PPP1R13B: variants seen among roughly 807,000 people sequenced by gnomAD.
PPP1R13B encodes protein phosphatase 1 regulatory subunit 13B, also known as apoptosis-stimulating of p53 protein 1.
Under a neutral mutation model 119.8 loss-of-function variants are expected in PPP1R13B, and 44 were observed. The ratio of observed to expected loss-of-function variants is 0.37; its 90% CI spans 0.29 to 0.47. The LOEUF (loss-of-function observed/expected upper bound fraction) is 0.47. PPP1R13B is among the 20% of genes least tolerant of loss of function. The pLI, the probability that PPP1R13B is intolerant of heterozygous loss-of-function variation, is 0.99. For synonymous variants in PPP1R13B, 542 were observed against 561.5 expected, an observed-to-expected ratio of 0.97 and a Z score of 0.49; for missense variants, 1,227 against 1,413.5, an observed-to-expected ratio of 0.87 and a Z score of 2.12.
At chr14:103,776,121 T>G (rs4906369) in intron 4 of PPP1R13B, among the ~76,000 whole-genome samples, 1 of 142,948 alleles carries the variant, frequency 7.0e-6, no homozygotes, top group Non-Finnish European at 1.5e-5. Flanking sequence ...CATGAAAGTC[T>G]GGTACAGCTG....
chr14:103,846,135 T>G (rs1277072997), intron 1 of PPP1R13B, among the ~76,000 whole-genome samples: 1 of 152,234 alleles, frequency 6.6e-6, no homozygotes, highest in African/African-American at 2.4e-5. Context: ...ATTATTCATT[T>G]AAAACCAAAT....
intron 1 of PPP1R13B, among the ~76,000 whole-genome samples, chr14:103,829,745 G>C (rs2086626559): frequency 6.6e-6 from 1 of 151,990 alleles, no homozygotes; most frequent in African/African-American, 2.4e-5. Flanking sequence ...AAGTAGCTGG[G>C]GACTACAGGT....
chr14:103,792,169 CGTGTGT>C lies in PPP1R13B; in HGVS notation c.157+5196_157+5201del, dbSNP rs58782839. Among the ~76,000 whole-genome samples the C allele has an allele frequency of 1.9e-4, 26 of 137,256 alleles. 1 individual carries two copies. The South Asian group carries it at 2.6e-3, about 14-fold the overall frequency. The allele number at this position is 137,256 out of a possible 152,430, so 90.0% of individuals were successfully genotyped here. ...AAATTTATTGTTTCCCTCTATTCATCGTGTGTGTGTGTGTGTGTGTGTGTGTGTGTG... is the reference window on the plus strand; with the variant it reads ...AAATTTATTGTTTCCCTCTATTCATCGTGTGTGTGTGTGTGTGTGTGTGTG... On this transcript the variant is annotated intron_variant, in intron 2 of 16. Coordinates refer to ENST00000202556, the MANE Select transcript of PPP1R13B (RefSeq NM_015316.3).
rs779281471 is a variant in PPP1R13B at position 103,734,564 on chromosome 14, T to C, written c.*590A>G. 2.6e-5 allele frequency: 12 copies of C among 456,298 alleles called. No individual in the cohort carries two copies. Among genetic ancestry groups the C allele is most frequent in the Non-Finnish European group, 4.4e-5 (10 of 226,806 alleles). The allele number at this position is 456,298 out of a possible 1,614,324, so 28.3% of individuals were successfully genotyped here. A position where few individuals can be genotyped will look rare whatever the true frequency, so the allele number is the denominator to read the frequency against. Reference sequence around the variant, plus strand: ...CTGCACAATCAGCCTTTAGGTGAACTGGAACAGGAAGCGGAACCCCCAAGG... The same window carrying C: ...CTGCACAATCAGCCTTTAGGTGAACCGGAACAGGAAGCGGAACCCCCAAGG... On this transcript the variant is annotated 3_prime_UTR_variant, in exon 17 of 17. Coordinates refer to ENST00000202556, the MANE Select transcript of PPP1R13B (RefSeq NM_015316.3).
chr14:103,786,502 C>T (rs2085464692), intron 2 of PPP1R13B, among the ~76,000 whole-genome samples: 1 of 152,014 alleles, frequency 6.6e-6, no homozygotes, highest in Non-Finnish European at 1.5e-5. Context: ...GGGTGACTCA[C>T]GCCTGTAATT....
intron 1 of PPP1R13B, among the ~76,000 whole-genome samples, chr14:103,828,909 AG>A (rs1175317848): frequency 6.6e-6 from 1 of 152,212 alleles, no homozygotes; most frequent in Non-Finnish European, 1.5e-5. Context: ...AAGGTGATAA[AG>A]GTCCTCCTCT....
intron 1 of PPP1R13B, among the ~76,000 whole-genome samples, chr14:103,803,575 G>A (rs1356477346): frequency 6.6e-6 from 1 of 152,104 alleles, no homozygotes; most frequent in Non-Finnish European, 1.5e-5. Context: ...CCCGGGAGGT[G>A]GAGCTTGCAG....
At position 103,742,217 on chromosome 14, in the gene PPP1R13B, G is replaced by A. The variant is rs369342310; in HGVS notation, c.1395C>T (p.Tyr465=). 2.3e-5 allele frequency: 37 copies of A among 1,600,962 alleles called. No individual in the cohort carries two copies. The highest frequency in any genetic ancestry group is 2.9e-5 in the Non-Finnish European group (34 of 1,179,550). ...CAGGACCCAGAGGTGTAGGACTTGG[G>A]TATGTCCCATAGCTTGGAGGCAGCT... The part of the protein sequence containing the change: ...GKQLPPSYGT[Y]PSPTPLGPGS... The change falls in exon 11 of 17, where the codon TAC becomes TAT. Residue 465 remains tyrosine (Y), a synonymous_variant. Coordinates refer to ENST00000202556, the MANE Select transcript of PPP1R13B (RefSeq NM_015316.3). This position sits in a 1 kb window ranked among gnomAD's most constrained non-coding sequence, Gnocchi z 4.9.
chr14:103,846,502 T>C (rs1430023278), intron 1 of PPP1R13B, among the ~76,000 whole-genome samples: 2 of 152,182 alleles, frequency 1.3e-5, no homozygotes, highest in Non-Finnish European at 2.9e-5. Flanking sequence ...AGAAAACCAA[T>C]ACCTCTCCAA....
At chr14:103,812,400 A>G (rs1220210100) in intron 1 of PPP1R13B, among the ~76,000 whole-genome samples, 4 of 151,198 alleles carry the variant, frequency 2.6e-5, no homozygotes, top group African/African-American at 9.7e-5. Context: ...CTGGGATTAC[A>G]GGCGTGAGCC....
At chr14:103,799,292 C>T (rs1236062928) in intron 1 of PPP1R13B, among the ~76,000 whole-genome samples, 1 of 152,160 alleles carries the variant, frequency 6.6e-6, no homozygotes, top group Non-Finnish European at 1.5e-5. Flanking sequence ...CATTCTCCTG[C>T]CTCAGCCTCC....
At chr14:103,827,183 G>C (rs1402391051) in intron 1 of PPP1R13B, among the ~76,000 whole-genome samples, 2 of 151,302 alleles carry the variant, frequency 1.3e-5, no homozygotes, top group Non-Finnish European at 2.9e-5. Context: ...AATTAGCCAG[G>C]TGTGGTGGCA....
chr14:103,748,405 C>T (rs1339065617), intron 8 of PPP1R13B, among the ~76,000 whole-genome samples: 1 of 152,198 alleles, frequency 6.6e-6, no homozygotes, highest in Non-Finnish European at 1.5e-5. Flanking sequence ...TACCACCCTC[C>T]ACACCCACTC....
At chr14:103,806,528 C>CTGG (rs1442462938) in intron 1 of PPP1R13B, among the ~76,000 whole-genome samples, 1 of 152,178 alleles carries the variant, frequency 6.6e-6, no homozygotes, top group African/African-American at 2.4e-5. Flanking sequence ...ACCCCTTTAG[C>CTGG]TTTCCAGCAG....
chr14:103,818,476 G>A (rs767524899), intron 1 of PPP1R13B: 89 of 978,472 alleles, frequency 9.1e-5, no homozygotes, highest in Non-Finnish European at 1.1e-4. Context: ...AATATTGTCA[G>A]GTACCTGTTT....
chr14:103,819,649 C>T (rs968769205), intron 1 of PPP1R13B, among the ~76,000 whole-genome samples: 3 of 152,006 alleles, frequency 2.0e-5, no homozygotes, highest in African/African-American at 7.3e-5. Context: ...TTAGCTCTGA[C>T]AAGATTTGCT....
At chr14:103,749,261 C>G (rs1368679642) in intron 8 of PPP1R13B, among the ~76,000 whole-genome samples, 4 of 151,962 alleles carry the variant, frequency 2.6e-5, no homozygotes, top group Non-Finnish European at 4.4e-5. Context: ...GTATTTACTA[C>G]CTTTAAAATT....
chr14:103,767,777 A>T (rs897810929), intron 4 of PPP1R13B, among the ~76,000 whole-genome samples: 2 of 152,084 alleles, frequency 1.3e-5, no homozygotes, highest in African/African-American at 4.8e-5. Context: ...GTCACCATAC[A>T]GTTTCATGTC....
At chr14:103,771,636 A>G (rs2085072645) in intron 4 of PPP1R13B, among the ~76,000 whole-genome samples, 1 of 151,892 alleles carries the variant, frequency 6.6e-6, no homozygotes, top group African/African-American at 2.4e-5. Flanking sequence ...GCCTGCCAGG[A>G]CGCCAGGCTA....
Sources: allele counts gnomAD v4.1 joint callset (sites outside exome capture counted in the v4.1 genomes callset), GRCh38; gene constraint gnomAD v4.1.1; non-coding constraint Gnocchi (gnomAD v3.1); transcripts MANE v1.5; gene names NCBI Gene and HGNC (gene_info 2026-07-23, HGNC 2026-07-21).